Variants in U2SURP observed in about 807,000 individuals in gnomAD.
The protein encoded by U2SURP is U2 snRNP associated SURP domain containing, also known as U2 snRNP-associated SURP motif-containing protein.
A neutral mutation model predicts 144.9 loss-of-function variants in U2SURP; 9 were observed. That is an observed-to-expected ratio of 0.06 (90% CI 0.04 to 0.11). The LOEUF is 0.11. Ranked by LOEUF, U2SURP falls within the 10% of genes least tolerant of loss-of-function variation. The pLI is 1.00. For synonymous variants in U2SURP, 408 were observed against 396.8 expected (o/e 1.03, Z -0.33); for missense variants, 724 against 1,226.7 (o/e 0.59, Z 6.12).
At position 143,036,056 on chromosome 3, in the gene U2SURP, A is replaced by G. The variant is rs756264874; in HGVS notation, c.2016A>G (p.Gln672=). The change falls in exon 20 of 28, where the codon CAA becomes CAG. Residue 672 remains glutamine (Q), a synonymous_variant. Transcript: ENST00000473835. Reference sequence around the variant, plus strand: ...CAGAACCATTTTTGATCAAACTACAAAATATTTTCTTAGGACTTGTAAATA... The same window carrying G: ...CAGAACCATTTTTGATCAAACTACAGAATATTTTCTTAGGACTTGTAAATA... ...IYPEPFLIKL[Q]NIFLGLVNII... is the part of the protein sequence containing the mutation. The G allele has an allele frequency of 1.2e-6, 2 of 1,611,488 alleles. No individual in the cohort carries two copies. Among genetic ancestry groups the G allele is most frequent in the East Asian group, 2.2e-5 (1 of 44,716 alleles).
In U2SURP at chr3:143,010,923, C is replaced by T. The variant is rs147057278; in HGVS notation, c.90+64C>T. On this transcript the variant is annotated intron_variant, in intron 2 of 27. Coordinates refer to ENST00000473835, the MANE Select transcript of U2SURP (RefSeq NM_001080415.2). ...AATTTAACTTCTCCTCATATGTATCCCTACATCAATGATTTTACTTGACAA... is the reference window on the plus strand; with the variant it reads ...AATTTAACTTCTCCTCATATGTATCTCTACATCAATGATTTTACTTGACAA... The T allele has an allele frequency of 1.1e-3, 1,337 of 1,185,420 alleles. 24 individuals carry two copies. The East Asian group carries it at 0.03, about 26-fold the overall frequency. The allele number at this position is 1,185,420 out of a possible 1,614,324, so 73.4% of individuals were successfully genotyped here.
At chr3:143,052,915 G>A (rs1934959017) in intron 25 of U2SURP, among the ~76,000 whole-genome samples, 1 of 149,978 alleles carries the variant, frequency 6.7e-6, no homozygotes, top group East Asian at 1.9e-4. Flanking sequence ...ATGAGAAGTG[G>A]CAGTTGTAGC....
intron 24 of U2SURP, among the ~76,000 whole-genome samples, chr3:143,050,136 C>T (rs1934776743): frequency 6.6e-6 from 1 of 152,070 alleles, no homozygotes; most frequent in South Asian, 2.1e-4. Context: ...TACAATGGTG[C>T]CATCTCGGCT....
At chr3:143,011,720 ACTT>A (rs1401791573) in intron 2 of U2SURP, among the ~76,000 whole-genome samples, 1 of 152,126 alleles carries the variant, frequency 6.6e-6, no homozygotes, top group Non-Finnish European at 1.5e-5. Flanking sequence ...CTATTTTACT[ACTT>A]CATCAAGCAG....
Position 143,032,901 on chromosome 3 carries a change from C to T in U2SURP, c.1728C>T (p.Cys576=). The T allele has an allele frequency of 6.2e-7, 1 of 1,613,626 alleles. No individual in the cohort carries two copies. Among genetic ancestry groups the T allele is most frequent in the Non-Finnish European group, 8.5e-7 (1 of 1,179,710 alleles). Residue 576 remains cysteine, a synonymous_variant, in exon 17 of 28, where the codon TGC becomes TGT. Coordinates refer to ENST00000473835, the MANE Select transcript of U2SURP (RefSeq NM_001080415.2). Reference sequence around the variant, plus strand: ...AAGCTGCTGAAGAAATAGTGGATTGCATTACTGAGTCGTTGTCCATCTTAA... The same window carrying T: ...AAGCTGCTGAAGAAATAGTGGATTGTATTACTGAGTCGTTGTCCATCTTAA... ...NAEAAEEIVD[C]ITESLSILKT...
At chr3:143,046,983 T>A (rs1287700294) in intron 24 of U2SURP, among the ~76,000 whole-genome samples, 2 of 126,116 alleles carry the variant, frequency 1.6e-5, no homozygotes, top group Non-Finnish European at 3.3e-5. Flanking sequence ...ACGGGGCGGC[T>A]GGCCGGGCGG....
chr3:143,021,469 C>G lies in U2SURP; in HGVS notation c.770-4C>G. The G allele has an allele frequency of 6.2e-7, 1 of 1,613,522 alleles. No homozygotes were observed. On this transcript the variant is annotated splice_polypyrimidine_tract_variant and splice_region_variant and intron_variant, in intron 9 of 27. Transcript: ENST00000473835. ...TTATAATTCTTTTTTTCTTTCTGCC[C>G]TAGTTCTTGATGATTACGCACCTGG...
At chr3:143,022,030 C>A (rs1171153562) in intron 10 of U2SURP, among the ~76,000 whole-genome samples, 1 of 152,098 alleles carries the variant, frequency 6.6e-6, no homozygotes, top group Non-Finnish European at 1.5e-5. Flanking sequence ...TATACTGTTA[C>A]CTGTTTTCTC....
chr3:143,039,045 A>G, intron 23 of U2SURP, 85 bp downstream of exon 23: 3 of 1,009,682 alleles, frequency 3.0e-6, no homozygotes, highest in East Asian at 3.3e-5. Flanking sequence ...ATAATAGTGA[A>G]GTGGAAAACT....
At position 143,036,017 on chromosome 3, in the gene U2SURP, T is replaced by C. The variant is rs1933791786; in HGVS notation, c.1977T>C (p.Asp659=). Residue 659 remains aspartate, a synonymous_variant, in exon 20 of 28, where the codon GAT becomes GAC. Transcript: ENST00000473835. ...TGACTTGCTTCAGAGCATGGGAAGA[T>C]TGGGCAATTTATCCAGAACCATTTT... is the stretch of plus-strand genomic sequence containing the variant. ...RVMTCFRAWE[D]WAIYPEPFLI... is the part of the protein sequence containing the mutation. 2 of 1,609,824 alleles carry C rather than the reference T, an allele frequency of 1.2e-6. No homozygotes were observed. Among genetic ancestry groups the C allele is most frequent in the Non-Finnish European group, 8.5e-7 (1 of 1,178,544 alleles).
intron 4 of U2SURP, among the ~76,000 whole-genome samples, chr3:143,015,266 T>C (rs1936308973): frequency 6.6e-6 from 1 of 152,120 alleles, no homozygotes; most frequent in Admixed American, 6.5e-5. Flanking sequence ...TCTGCTCATA[T>C]CTGAACCATT....
chr3:143,021,162 G>C (rs1028506375), intron 8 of U2SURP, among the ~76,000 whole-genome samples, 188 bp from the exon 9 acceptor site: 1 of 152,112 alleles, frequency 6.6e-6, no homozygotes, highest in African/African-American at 2.4e-5. Context: ...TTGCACTCCA[G>C]CCTGGGCGAC....
intron 23 of U2SURP, among the ~76,000 whole-genome samples, chr3:143,040,082 A>G (rs1934026467): frequency 6.6e-6 from 1 of 151,936 alleles, no homozygotes; most frequent in African/African-American, 2.4e-5. Flanking sequence ...TTACCATTTT[A>G]GAATCACTGC....
chr3:143,022,342 G>A (rs1578131160), intron 10 of U2SURP, among the ~76,000 whole-genome samples, 155 bp from the exon 11 acceptor site: 1 of 152,184 alleles, frequency 6.6e-6, no homozygotes, highest in East Asian at 1.9e-4. Context: ...TGCCCCACGC[G>A]GGATTTTACT....
intron 6 of U2SURP, among the ~76,000 whole-genome samples, chr3:143,017,561 C>A: frequency 6.6e-6 from 1 of 151,134 alleles, no homozygotes; most frequent in African/African-American, 2.4e-5. Flanking sequence ...TAAAAAATAT[C>A]TCTAAAAGCA....
intron 24 of U2SURP, among the ~76,000 whole-genome samples, chr3:143,043,903 C>T (rs1240170273): frequency 2.6e-5 from 4 of 151,538 alleles, no homozygotes; most frequent in Non-Finnish European, 5.9e-5. Flanking sequence ...GGAGTAGCCA[C>T]CATGCCCGGC....
chr3:143,027,073 T>C, intron 13 of U2SURP, 76 bp from the exon 14 acceptor site: 1 of 1,120,690 alleles, frequency 8.9e-7, no homozygotes, highest in Non-Finnish European at 1.3e-6. Flanking sequence ...TGCACAATTA[T>C]AGTAACTTAG....
rs1228320782 is a variant in U2SURP at position 143,058,436 on chromosome 3, C to T, written c.*1986C>T. The T allele has an allele frequency of 6.6e-6, 1 of 151,630 alleles. No homozygotes were observed. Among genetic ancestry groups the T allele is most frequent in the Non-Finnish European group, 1.5e-5 (1 of 67,770 alleles). 9.4% of individuals were successfully genotyped at this position (151,630 alleles called of 1,614,324 possible). A position where few individuals can be genotyped will look rare whatever the true frequency, so the allele number is the denominator to read the frequency against. ...TTTAGCAGTTCTTTTTTTCTGGATC[C>T]AGATACAAGTGTCATGGTTTATCTT... On this transcript the variant is annotated 3_prime_UTR_variant, in exon 28 of 28. Transcript: ENST00000473835.
intron 8 of U2SURP, among the ~76,000 whole-genome samples, chr3:143,020,899 AC>A (rs952727941): frequency 7.2e-5 from 11 of 152,214 alleles, no homozygotes; most frequent in Admixed American, 3.3e-4. Flanking sequence ...AAGTAATAGA[AC>A]AATTATAACA....
Sources: gnomAD v4.1 joint callset for allele counts (sites outside exome capture counted in the v4.1 genomes callset) on GRCh38, gnomAD v4.1.1 for gene constraint, MANE v1.5 for transcripts, NCBI Gene and HGNC (gene_info 2026-07-23, HGNC 2026-07-21) for gene names.